Variants in NCOR2 observed in about 807,000 individuals in gnomAD.
NCOR2 encodes the protein CTG repeat protein 26.
NCOR2 carries 81 observed loss-of-function variants against 262.9 expected under a neutral mutation model. The observed-to-expected ratio is 0.31, with a 90% CI of 0.26 to 0.37. The LOEUF (loss-of-function observed/expected upper bound fraction) is 0.37. Ranked by LOEUF, NCOR2 falls within the 10% of genes least tolerant of loss-of-function variation. The pLI, the probability that NCOR2 is intolerant of heterozygous loss-of-function variation, is 1.00. For missense variants in NCOR2, 3,385 were observed against 3,621.4 expected (o/e 0.93, Z 1.68); for synonymous variants, 1,659 against 1,559.3 (o/e 1.06, Z -1.51).
intron 13 of NCOR2, among the ~76,000 whole-genome samples, chr12:124,411,379 G>C (rs1302328357): frequency 1.3e-5 from 2 of 152,212 alleles, no homozygotes; most frequent in Admixed American, 1.3e-4. Context: ...AGTGGAGAGT[G>C]GACGGCAGCA....
intron 13 of NCOR2, among the ~76,000 whole-genome samples, chr12:124,415,985 T>C (rs2042838834): frequency 6.6e-6 from 1 of 152,074 alleles, no homozygotes; most frequent in East Asian, 1.9e-4. Flanking sequence ...TTTTCCCTTT[T>C]TAAAAAATGT....
intron 1 of NCOR2, among the ~76,000 whole-genome samples, chr12:124,494,694 C>T (rs977749474): frequency 2.0e-5 from 3 of 152,144 alleles, no homozygotes; most frequent in Admixed American, 6.5e-5. Flanking sequence ...AGCCTCGAGC[C>T]GCACCAAGGT....
intron 4 of NCOR2, among the ~76,000 whole-genome samples, chr12:124,471,793 C>G (rs1479032123): frequency 6.6e-6 from 1 of 152,206 alleles, no homozygotes; most frequent in Admixed American, 6.5e-5. Flanking sequence ...TCTCAAACTC[C>G]CGGGCTCAAG....
At chr12:124,336,468 G>A (rs1451893097) in intron 38 of NCOR2, 3 of 498,602 alleles carry the variant, frequency 6.0e-6, no homozygotes, top group Non-Finnish European at 9.0e-6. Context: ...AAACCAGAGG[G>A]GCAGGCGCGG....
upstream of NCOR2, chr12:124,539,056 GC>G (rs2051207359): frequency 6.6e-6 from 1 of 152,252 alleles, no homozygotes; most frequent in South Asian, 2.1e-4. This position sits in a 1 kb window ranked among gnomAD's most constrained non-coding sequence, Gnocchi z 5.1. Flanking sequence ...TGGAGTCGAG[GC>G]TGCTCCAGCC....
At chr12:124,497,181 A>C (rs2048423790), upstream of NCOR2, among the ~76,000 whole-genome samples, 1 of 152,134 alleles carries the variant, frequency 6.6e-6, no homozygotes, top group Non-Finnish European at 1.5e-5. This position sits in a 1 kb window ranked among gnomAD's most constrained non-coding sequence, Gnocchi z 4.2. Context: ...GTCACAGAGG[A>C]GGCCACCCCT....
intron 1 of NCOR2, among the ~76,000 whole-genome samples, chr12:124,518,827 C>T (rs1215567655): frequency 6.6e-6 from 1 of 152,184 alleles, no homozygotes; most frequent in Admixed American, 6.5e-5. Flanking sequence ...CCGGACTGTC[C>T]AGCTTCGAGC....
At chr12:124,344,237 C>T (rs900874636) in intron 32 of NCOR2, among the ~76,000 whole-genome samples, 2 of 152,216 alleles carry the variant, frequency 1.3e-5, no homozygotes, top group African/African-American at 2.4e-5. Flanking sequence ...AACAGGCAGG[C>T]GCCCCAAGGC....
intron 10 of NCOR2, among the ~76,000 whole-genome samples, chr12:124,427,713 C>T (rs996668822): frequency 6.6e-6 from 1 of 152,180 alleles, no homozygotes; most frequent in Non-Finnish European, 1.5e-5. Context: ...ACCCCTGATA[C>T]GGAACGGCGA....
intron 3 of NCOR2, among the ~76,000 whole-genome samples, chr12:124,474,498 G>A (rs1032111619): frequency 1.3e-5 from 2 of 152,222 alleles, no homozygotes; most frequent in African/African-American, 2.4e-5. Flanking sequence ...CTAAAGTCTG[G>A]TGCACCCAGG....
chr12:124,483,820 G>A lies in NCOR2; in HGVS notation c.234-47C>T, dbSNP rs907211061. On this transcript the variant is annotated intron_variant, in intron 2 of 46. Coordinates refer to ENST00000405201, the Ensembl canonical transcript of NCOR2. The surrounding 1 kb of genome is among the most constrained non-coding windows in gnomAD (Gnocchi z 6.3). ...ACGTCACATAGGAGATTGCGGCTCT[G>A]AGAACTCCCGAGGCCCCGACCACCC... 6.7e-6 allele frequency: 10 copies of A among 1,497,546 alleles called. No homozygotes were observed. Among genetic ancestry groups the A allele is most frequent in the Non-Finnish European group, 8.9e-6 (10 of 1,121,790 alleles). 92.8% of individuals were successfully genotyped at this position (1,497,546 alleles called of 1,614,324 possible).
intron 27 of NCOR2, among the ~76,000 whole-genome samples, chr12:124,351,465 G>C (rs966106082): frequency 1.3e-5 from 2 of 152,182 alleles, no homozygotes; most frequent in East Asian, 1.9e-4. Flanking sequence ...CGCCTCCCCA[G>C]TGTGTCCCCC....
At chr12:124,387,506 G>A (rs1210077943) in intron 16 of NCOR2, among the ~76,000 whole-genome samples, 4 of 152,360 alleles carry the variant, frequency 2.6e-5, no homozygotes, top group South Asian at 4.1e-4. Flanking sequence ...GGGGCAACGC[G>A]GGCGTGGGGC....
At chr12:124,529,196 A>AC (rs757301868) in intron 1 of NCOR2, among the ~76,000 whole-genome samples, 1 of 147,074 alleles carries the variant, frequency 6.8e-6, no homozygotes, top group African/African-American at 2.6e-5. Context: ...AAAAAAAAAA[A>AC]AAAAAACACT....
At chr12:124,455,158 C>T (rs540537951) in intron 6 of NCOR2, among the ~76,000 whole-genome samples, 1 of 152,148 alleles carries the variant, frequency 6.6e-6, no homozygotes, top group Admixed American at 6.5e-5. Context: ...TAAAATTGAC[C>T]GTGGTGACAG....
intron 22 of NCOR2, among the ~76,000 whole-genome samples, chr12:124,361,290 C>T (rs909959841): frequency 1.3e-5 from 2 of 152,180 alleles, no homozygotes; most frequent in Admixed American, 6.5e-5. Context: ...TGCCAGCAAG[C>T]GCCGGGGCTA....
intron 22 of NCOR2, among the ~76,000 whole-genome samples, chr12:124,358,075 G>A (rs562111128): frequency 2.3e-5 from 3 of 132,224 alleles, no homozygotes; most frequent in South Asian, 5.6e-4. Context: ...GTTGAAGGAG[G>A]TAACCTGTGA....
intron 7 of NCOR2, among the ~76,000 whole-genome samples, chr12:124,448,838 C>T (rs1286334377): frequency 6.6e-6 from 1 of 152,182 alleles, no homozygotes; most frequent in Non-Finnish European, 1.5e-5. Context: ...AACGCTTGAA[C>T]AATCGGACCG....
intron 13 of NCOR2, among the ~76,000 whole-genome samples, chr12:124,413,908 C>CG (rs1565920607): frequency 6.6e-6 from 1 of 151,984 alleles, no homozygotes; most frequent in Admixed American, 6.5e-5. Flanking sequence ...CAGGTGGTGG[C>CG]GGGGGGTACT....
Sources: gnomAD v4.1 joint callset for allele counts (sites outside exome capture counted in the v4.1 genomes callset) on GRCh38, gnomAD v4.1.1 for gene constraint, Gnocchi (gnomAD v3.1) non-coding constraint, MANE v1.5 for transcripts, NCBI Gene and HGNC (gene_info 2026-07-23, HGNC 2026-07-21) for gene names.